Variants in ZNF623 observed in about 807,000 individuals in gnomAD.
ZNF623 encodes zinc finger protein 623.
ZNF623 carries 16 observed loss-of-function variants against 24.0 expected under a neutral mutation model. That is an observed-to-expected ratio of 0.67 (90% CI 0.45 to 1.01). The LOEUF (loss-of-function observed/expected upper bound fraction) is 1.01. Ranked by LOEUF, ZNF623 falls within the 50% of genes least tolerant of loss-of-function variation. ZNF623 has a pLI of 0.00. For synonymous variants in ZNF623, 224 were observed against 219.8 expected, an observed-to-expected ratio of 1.02 and a Z score of -0.17; for missense variants, 566 against 606.5, an observed-to-expected ratio of 0.93 and a Z score of 0.70.
intron 1 of ZNF623, 104 bp downstream of exon 1, chr8:143,636,249 G>A (rs908056560): frequency 1.3e-5 from 2 of 152,122 alleles, no homozygotes; most frequent in African/African-American, 4.8e-5. Context: ...CGAGAGGGCC[G>A]GGCGGGGTCC....
rs977821263 is a variant in ZNF623, at chr8:143,653,117, T to G, written c.*1634T>G. Reference sequence around the variant, plus strand: ...TCCAGGAGAGGAATCTGCAGAAACATGGAGCCATGACAGATGGCTTTTTGG... The same window carrying G: ...TCCAGGAGAGGAATCTGCAGAAACAGGGAGCCATGACAGATGGCTTTTTGG... On this transcript the variant is annotated 3_prime_UTR_variant, in exon 2 of 2. Transcript: ENST00000526926. 9 of 167,108 alleles carry G rather than the reference T, an allele frequency of 5.4e-5. No individual in the cohort carries two copies. The highest frequency in any genetic ancestry group is 2.2e-4 in the African/African-American group (9 of 41,444). 10.4% of individuals were successfully genotyped at this position (167,108 alleles called of 1,614,324 possible). A position where few individuals can be genotyped will look rare whatever the true frequency, so the allele number is the denominator to read the frequency against.
intron 1 of ZNF623, among the ~76,000 whole-genome samples, chr8:143,641,754 C>T (rs1340857253): frequency 2.1e-4 from 1 of 4,744 alleles, no homozygotes; most frequent in African/African-American, 2.1e-4. Flanking sequence ...CGTGAGCCAC[C>T]GCGCCCGGCC....
intron 1 of ZNF623, among the ~76,000 whole-genome samples, chr8:143,639,344 C>T (rs1814996422): frequency 1.3e-5 from 2 of 152,142 alleles, no homozygotes; most frequent in Admixed American, 1.3e-4. Flanking sequence ...CCGTCTCCGC[C>T]TCCCAAGTAG....
intron 1 of ZNF623, among the ~76,000 whole-genome samples, chr8:143,638,849 A>G (rs909047989): frequency 2.6e-5 from 4 of 152,184 alleles, no homozygotes; most frequent in Non-Finnish European, 5.9e-5. Flanking sequence ...GAAGGTATCA[A>G]CTGAGTTCCA....
chr8:143,638,281 C>T (rs1814968619), intron 1 of ZNF623, among the ~76,000 whole-genome samples: 1 of 144,692 alleles, frequency 6.9e-6, no homozygotes, highest in Non-Finnish European at 1.5e-5. Flanking sequence ...GTGGAGGTTG[C>T]AGTGAGTGGA....
At chr8:143,644,377 C>A (rs1815123596) in intron 1 of ZNF623, among the ~76,000 whole-genome samples, 1 of 152,098 alleles carries the variant, frequency 6.6e-6, no homozygotes, top group African/African-American at 2.4e-5. Flanking sequence ...CTGGGCTGGG[C>A]TGATCCCCCC....
intron 1 of ZNF623, among the ~76,000 whole-genome samples, chr8:143,638,396 G>A (rs945991092): frequency 2.7e-5 from 4 of 150,456 alleles, no homozygotes; most frequent in African/African-American, 9.8e-5. Flanking sequence ...ATTATTAAGA[G>A]GCACACATAT....
chr8:143,641,764 C>A (rs111733176), intron 1 of ZNF623, among the ~76,000 whole-genome samples: 2 of 9,796 alleles, frequency 2.0e-4, no homozygotes, highest in African/African-American at 2.2e-4. Flanking sequence ...CGCGCCCGGC[C>A]GTGAGTAGTG....
rs541470461 is a variant in ZNF623, at chr8:143,639,415, G to T, written c.-96+3270G>T. 2.0e-5 allele frequency among the ~76,000 whole-genome samples: 3 copies of T among 151,344 alleles called. No individual in the cohort carries two copies. The South Asian group carries it at 6.2e-4, about 32-fold the overall frequency. ...ATTTTGTATTTTTAGTAGAGACGGG[G>T]GTTTCTCCATGTTGGTCAGGCTGGT... On this transcript the variant is annotated intron_variant, in intron 1 of 1. Transcript: ENST00000526926.
At chr8:143,646,733 C>T (rs1003469621) in intron 1 of ZNF623, among the ~76,000 whole-genome samples, 11 of 151,806 alleles carry the variant, frequency 7.2e-5, no homozygotes, top group Admixed American at 2.0e-4. Flanking sequence ...GGCACAAGCA[C>T]GGCTCACTGC....
Position 143,651,674 on chromosome 8 carries a change from G to A in ZNF623, c.*191G>A. 1.7e-6 allele frequency: 1 copy of A among 597,710 alleles called. No homozygotes were observed. Among genetic ancestry groups the A allele is most frequent in the African/African-American group, 1.9e-5 (1 of 52,994 alleles). 37.0% of individuals were successfully genotyped at this position (597,710 alleles called of 1,614,324 possible). ...TCCTCAGCTGTGAGCACTGTCCTCA[G>A]GAGAGTCACAGGGCTTGACACCTGA... On this transcript the variant is annotated 3_prime_UTR_variant, in exon 2 of 2. Transcript: ENST00000526926.
In ZNF623 at chr8:143,650,729, C is replaced by T. The variant is rs373149668; in HGVS notation, c.737C>T (p.Thr246Ile). 3.1e-6 allele frequency: 5 copies of T among 1,614,050 alleles called. No homozygotes were observed. In the African/African-American group the frequency reaches 5.3e-5, roughly 17 times the overall value. Residue 246 changes from threonine to isoleucine, a missense_variant, in exon 2 of 2, where the codon ACA becomes ATA. Thr to Ile is a moderately conservative substitution (Grantham distance 89). Around this residue, in one of 3 missense-constraint regions of ZNF623, gnomAD observed 117 missense variants for 174.2 expected, o/e 0.67. Transcript: ENST00000526926. The surrounding 1 kb of genome is among the most constrained non-coding windows in gnomAD (Gnocchi z 5.2). Reference protein sequence around the residue: ...SSLIRHYQIHTEVKQYECKEC... With the variant: ...SSLIRHYQIHIEVKQYECKEC... ...CTCATTCGCCATTATCAGATCCACA[C>T]AGAAGTGAAACAGTATGAATGCAAA...
chr8:143,647,927 A>G (rs371338805), intron 1 of ZNF623, among the ~76,000 whole-genome samples: 25 of 152,144 alleles, frequency 1.6e-4, no homozygotes, highest in African/African-American at 5.1e-4. Context: ...GAACAAAGGG[A>G]AGAGGATTCA....
chr8:143,650,041 G>C lies in ZNF623; in HGVS notation c.49G>C (p.Gly17Arg). The C allele has an allele frequency of 6.2e-7, 1 of 1,614,164 alleles. No homozygotes were observed. ...ESEEVHEPRL[G>R]ELLGNPEGQS... ...TGAGGAAGTCCACGAGCCCAGATTAGGGGAGCTCTTGGGAAATCCAGAAGG... is the reference window on the plus strand; with the variant it reads ...TGAGGAAGTCCACGAGCCCAGATTACGGGAGCTCTTGGGAAATCCAGAAGG... Residue 17 changes from glycine to arginine, a missense_variant, in exon 2 of 2, where the codon GGG (glycine) becomes CGG (arginine). Coordinates refer to ENST00000526926, the MANE Select transcript of ZNF623 (RefSeq NM_001261843.2). This position sits in a 1 kb window ranked among gnomAD's most constrained non-coding sequence, Gnocchi z 5.2.
Position 143,650,225 on chromosome 8 carries a change from T to C in ZNF623, c.233T>C (p.Ile78Thr), listed in dbSNP as rs759779396. ...CTTCTTCTGCTTCAGAGAGAGCTCA[T>C]AGAGGGGGAAGCCAATCCTTGCGAT... ...SDLLLLQREL[I>T]EGEANPCDIC... Residue 78 changes from isoleucine to threonine, a missense_variant, in exon 2 of 2, where the codon ATA becomes ACA. Physicochemically the swap from Ile to Thr is moderately conservative, Grantham distance 89. Around this residue, in one of 3 missense-constraint regions of ZNF623, gnomAD observed 313 missense variants for 300.4 expected, o/e 1.04. Coordinates refer to ENST00000526926, the MANE Select transcript of ZNF623 (RefSeq NM_001261843.2). This position sits in a 1 kb window ranked among gnomAD's most constrained non-coding sequence, Gnocchi z 5.2. The C allele has an allele frequency of 3.1e-6, 5 of 1,614,038 alleles. No homozygotes were observed. Among genetic ancestry groups the C allele is most frequent in the African/African-American group, 2.7e-5 (2 of 74,922 alleles).
chr8:143,646,552 T>TGTGTGTGC (rs903476506), intron 1 of ZNF623, among the ~76,000 whole-genome samples: 5 of 151,588 alleles, frequency 3.3e-5, no homozygotes, highest in African/African-American at 1.2e-4. Context: ...TGTGCGTGTG[T>TGTGTGTGC]GTGTGTGTGT....
At chr8:143,646,544 T>C (rs1013344448) in intron 1 of ZNF623, among the ~76,000 whole-genome samples, 20 of 134,270 alleles carry the variant, frequency 1.5e-4, no homozygotes, top group Non-Finnish European at 2.9e-4. Flanking sequence ...GTGGGGTGTG[T>C]GCGTGTGTGT....
chr8:143,637,707 G>A (rs1056564910), intron 1 of ZNF623, among the ~76,000 whole-genome samples: 9 of 152,130 alleles, frequency 5.9e-5, no homozygotes. Flanking sequence ...ACGGCACCAC[G>A]TCCGGCTAAT....
At chr8:143,646,029 A>G (rs1815169278) in intron 1 of ZNF623, among the ~76,000 whole-genome samples, 1 of 152,040 alleles carries the variant, frequency 6.6e-6, no homozygotes, top group Non-Finnish European at 1.5e-5. Context: ...AGTGTTTAAT[A>G]CTAGAAGTGT....
Sources: allele counts gnomAD v4.1 joint callset (sites outside exome capture counted in the v4.1 genomes callset), GRCh38; gene constraint gnomAD v4.1.1; regional missense constraint gnomAD v4.1.1; non-coding constraint Gnocchi (gnomAD v3.1); transcripts MANE v1.5; gene names NCBI Gene and HGNC (gene_info 2026-07-23, HGNC 2026-07-21).